NRP2: variants seen among roughly 807,000 people sequenced by gnomAD.
NRP2 encodes the protein neuropilin 2, also known as neuropilin-2.
A neutral mutation model predicts 110.4 loss-of-function variants in NRP2; 52 were observed. That is an observed-to-expected ratio of 0.47 (90% CI 0.38 to 0.59). The LOEUF (loss-of-function observed/expected upper bound fraction) is 0.59. NRP2 is among the 20% of genes least tolerant of loss of function. The probability of loss-of-function intolerance (pLI) is 0.00; values close to 1 mark genes in which losing one functional copy is unlikely to be tolerated. For synonymous variants in NRP2, 508 were observed against 468.9 expected, an observed-to-expected ratio of 1.08 and a Z score of -1.08; for missense variants, 1,049 against 1,203.0, an observed-to-expected ratio of 0.87 and a Z score of 1.89.
At chr2:205,744,521 G>A (rs959196670) in intron 9 of NRP2, among the ~76,000 whole-genome samples, 2 of 152,180 alleles carry the variant, frequency 1.3e-5, no homozygotes, top group African/African-American at 4.8e-5. Flanking sequence ...CCAGAGTGAA[G>A]GTCAGCCTTC....
chr2:205,792,348 C>A (rs2058310477), intron 16 of NRP2, 63 bp downstream of exon 16: 3 of 1,181,550 alleles, frequency 2.5e-6, no homozygotes, highest in Admixed American at 1.7e-5. Flanking sequence ...AAGGTGTCAA[C>A]AAAAATAATG....
intron 2 of NRP2, among the ~76,000 whole-genome samples, chr2:205,714,907 GC>G (rs1288704305): frequency 1.3e-5 from 2 of 152,204 alleles, no homozygotes; most frequent in South Asian, 2.1e-4. Flanking sequence ...CCTTCCGGCA[GC>G]CGGCAACCCC....
intron 2 of NRP2, among the ~76,000 whole-genome samples, chr2:205,701,990 T>C (rs1009317474): frequency 1.3e-5 from 2 of 152,228 alleles, no homozygotes; most frequent in Non-Finnish European, 2.9e-5. Context: ...CAGATTAAGA[T>C]TTGAATTTTT....
At chr2:205,787,759 A>G (rs929488682) in intron 15 of NRP2, among the ~76,000 whole-genome samples, 1 of 149,112 alleles carries the variant, frequency 6.7e-6, no homozygotes, top group African/African-American at 2.6e-5. Context: ...TGTGTGTCAG[A>G]GAAAGAGAGA....
In NRP2 at chr2:205,749,816, T is replaced by C. The variant is rs1369179800; in HGVS notation, c.1878T>C (p.Cys626=). The C allele has an allele frequency of 1.2e-6, 2 of 1,613,792 alleles. No individual in the cohort carries two copies. Among genetic ancestry groups the C allele is most frequent in the Admixed American group, 3.3e-5 (2 of 60,000 alleles). ...PYPTEEEATE[C]GENCSFEDDK... is the part of the protein sequence containing the mutation. ...CCACCGAAGAGGAGGCCACAGAGTG[T>C]GGGGAGAACTGCAGCTTTGAGGATG... The change falls in exon 11 of 17, where the codon TGT becomes TGC. Residue 626 remains cysteine, a synonymous_variant. Transcript: ENST00000357785.
intron 3 of NRP2, among the ~76,000 whole-genome samples, chr2:205,718,416 A>G (rs910042480): frequency 2.0e-5 from 3 of 152,230 alleles, no homozygotes; most frequent in African/African-American, 4.8e-5. Context: ...AACTGCCTAG[A>G]AACAATGGTG....
chr2:205,722,426 C>A (rs2057039046), intron 3 of NRP2, 52 bp from the exon 4 acceptor site: 1 of 1,407,780 alleles, frequency 7.1e-7, no homozygotes, highest in Non-Finnish European at 1.0e-6. Context: ...GTGACAGAGG[C>A]CACAAAGAAA....
chr2:205,733,836 T>C (rs1349756196), intron 7 of NRP2, among the ~76,000 whole-genome samples: 1 of 151,812 alleles, frequency 6.6e-6, no homozygotes, highest in African/African-American at 2.4e-5. Context: ...TCCTCCCTGA[T>C]GCGTTCCTGT....
At chr2:205,750,413 G>C (rs75440878) in intron 11 of NRP2, among the ~76,000 whole-genome samples, 3,294 of 152,340 alleles carry the variant, frequency 0.022, 53 homozygotes, top group Non-Finnish European at 0.029. Context: ...CTGGAGTGCA[G>C]ATCAGAGACA....
At chr2:205,713,235 C>T (rs377081326) in intron 2 of NRP2, among the ~76,000 whole-genome samples, 1 of 152,274 alleles carries the variant, frequency 6.6e-6, no homozygotes, top group East Asian at 1.9e-4. Context: ...GATGGCAGGG[C>T]CTCTCTTTGT....
At chr2:205,716,428 G>T in intron 3 of NRP2, 54 bp downstream of exon 3, 1 of 1,593,856 alleles carries the variant, frequency 6.3e-7, no homozygotes, top group Non-Finnish European at 8.6e-7. Context: ...AGAAGAAGGA[G>T]GGACAGCACC....
intron 3 of NRP2, among the ~76,000 whole-genome samples, chr2:205,718,444 G>T (rs539867077): frequency 1.3e-5 from 2 of 152,202 alleles, no homozygotes; most frequent in African/African-American, 4.8e-5. Flanking sequence ...ACGGAGCTAG[G>T]TGGCTTCAGC....
rs957487916 is a variant in NRP2 at position 205,785,363 on chromosome 2, A to G, written c.2426-6872A>G. ...AAAACTCCCTGAAATATGAAGATAC[A>G]TGACTTTTTCCCCTAGCATCCCAGG... On this transcript the variant is annotated intron_variant, in intron 15 of 16. Coordinates refer to ENST00000357785, the MANE Select transcript of NRP2 (RefSeq NM_003872.3). 1.3e-4 allele frequency among the ~76,000 whole-genome samples: 20 copies of G among 152,276 alleles called. 1 individual carries two copies. Among genetic ancestry groups the G allele is most frequent in the Admixed American group, 9.2e-4 (14 of 15,296 alleles).
intron 1 of NRP2, among the ~76,000 whole-genome samples, chr2:205,684,721 G>A (rs1438183964): frequency 6.6e-6 from 1 of 152,218 alleles, no homozygotes; most frequent in African/African-American, 2.4e-5. Context: ...AGGGATGGGT[G>A]GGGGTCCCAC....
intron 15 of NRP2, among the ~76,000 whole-genome samples, chr2:205,774,006 C>T (rs367602564): frequency 2.5e-4 from 38 of 152,316 alleles, no homozygotes; most frequent in African/African-American, 8.7e-4. Context: ...CACTGTGGAG[C>T]CACATGAAAA....
intron 7 of NRP2, among the ~76,000 whole-genome samples, chr2:205,737,654 A>C (rs1210695417): frequency 6.6e-6 from 1 of 152,264 alleles, no homozygotes; most frequent in African/African-American, 2.4e-5. Context: ...ACAAGAAAAC[A>C]GTTCAGGAAC....
At chr2:205,785,011 G>A (rs1404044893) in intron 15 of NRP2, among the ~76,000 whole-genome samples, 1 of 152,188 alleles carries the variant, frequency 6.6e-6, no homozygotes, top group Non-Finnish European at 1.5e-5. Context: ...ATTTTTGGTA[G>A]CTGTAAAATG....
chr2:205,791,572 T>C lies in NRP2; in HGVS notation c.2426-663T>C, dbSNP rs190054392. Among the ~76,000 whole-genome samples the C allele has an allele frequency of 7.2e-3, 1,103 of 152,308 alleles. 4 individuals are homozygous for C. Among genetic ancestry groups the C allele is most frequent in the Non-Finnish European group, 8.9e-3 (606 of 68,022 alleles). On this transcript the variant is annotated intron_variant, in intron 15 of 16. Coordinates refer to ENST00000357785, the MANE Select transcript of NRP2 (RefSeq NM_003872.3). ...CAGTGATAATACTGGAGAAAACTCA[T>C]AGTAAATTAACTTAGCCTGGCTAGT...
chr2:205,732,217 G>A (rs950486092), intron 7 of NRP2, among the ~76,000 whole-genome samples: 18 of 152,324 alleles, frequency 1.2e-4, no homozygotes, highest in African/African-American at 4.3e-4. Flanking sequence ...GTGGAGCTGG[G>A]CTTCACCACA....
Sources: gnomAD v4.1 joint callset for allele counts (sites outside exome capture counted in the v4.1 genomes callset) on GRCh38, gnomAD v4.1.1 for gene constraint, MANE v1.5 for transcripts, NCBI Gene and HGNC (gene_info 2026-07-23, HGNC 2026-07-21) for gene names.